Variants in RGS6 observed in about 807,000 individuals in gnomAD.
RGS6 encodes the protein regulator of G-protein signaling 6.
Under a neutral mutation model 78.5 loss-of-function variants are expected in RGS6, and 30 were observed. The observed-to-expected ratio is 0.38, with a 90% CI of 0.29 to 0.52. RGS6 has a LOEUF of 0.52. Among genes scored for constraint, RGS6 ranks in the 20% least tolerant of loss-of-function variants. The probability of loss-of-function intolerance (pLI) is 0.85; values close to 1 mark genes in which losing one functional copy is unlikely to be tolerated. For missense variants in RGS6, 495 were observed against 609.7 expected (o/e 0.81, Z 1.98); for synonymous variants, 206 against 206.0 (o/e 1.00, Z 0.00).
At chr14:72,359,865 G>A (rs890353031) in intron 3 of RGS6, among the ~76,000 whole-genome samples, 7 of 152,034 alleles carry the variant, frequency 4.6e-5, no homozygotes, top group African/African-American at 1.4e-4. Flanking sequence ...GCTGACCTTG[G>A]TAAGTGCACA....
chr14:72,083,229 A>G (rs2094896301), intron 2 of RGS6, among the ~76,000 whole-genome samples: 1 of 152,206 alleles, frequency 6.6e-6, no homozygotes, highest in Non-Finnish European at 1.5e-5. Context: ...TGAATCTGAC[A>G]CAGATTGATC....
chr14:72,137,737 T>C (rs1462574515), intron 2 of RGS6, among the ~76,000 whole-genome samples: 1 of 152,210 alleles, frequency 6.6e-6, no homozygotes, highest in Non-Finnish European at 1.5e-5. Flanking sequence ...CCCCATGGAA[T>C]TGGGGAACAC....
chr14:72,320,189 A>T (rs571930265), intron 2 of RGS6, among the ~76,000 whole-genome samples: 6 of 152,342 alleles, frequency 3.9e-5, no homozygotes, highest in African/African-American at 1.2e-4. Context: ...TTAGAGTTTT[A>T]TGCACAGCCA....
chr14:72,489,675 G>A (rs1441004575), intron 12 of RGS6, among the ~76,000 whole-genome samples: 3 of 152,100 alleles, frequency 2.0e-5, no homozygotes, highest in Non-Finnish European at 4.4e-5. Flanking sequence ...ACAAGCCAAG[G>A]CATGCCTGGA....
At chr14:72,272,241 G>T (rs2060054814) in intron 2 of RGS6, among the ~76,000 whole-genome samples, 1 of 152,132 alleles carries the variant, frequency 6.6e-6, no homozygotes, top group South Asian at 2.1e-4. Context: ...GGGTTAGCTG[G>T]CCTTTGCCAA....
At chr14:72,010,929 G>A (rs1010585474) in intron 2 of RGS6, among the ~76,000 whole-genome samples, 16 of 152,262 alleles carry the variant, frequency 1.1e-4, no homozygotes, top group African/African-American at 3.9e-4. Flanking sequence ...GCTTTCTCTA[G>A]CCCTTTTCTG....
intron 2 of RGS6, among the ~76,000 whole-genome samples, chr14:72,331,076 G>A (rs2074913775): frequency 6.6e-6 from 1 of 152,128 alleles, no homozygotes. Flanking sequence ...TGTGACTAAG[G>A]CAGCAGATTC....
At chr14:71,926,499 G>A in the RGS6 span, among the ~76,000 whole-genome samples, 488 of 150,594 alleles carry the variant, frequency 3.2e-3, 7 homozygotes, top group African/African-American at 0.011. Context: ...CAGGAGAATC[G>A]CTTGAACCCA....
At chr14:72,320,608 A>G (rs2071658433) in intron 2 of RGS6, among the ~76,000 whole-genome samples, 1 of 151,586 alleles carries the variant, frequency 6.6e-6, no homozygotes, top group African/African-American at 2.4e-5. Flanking sequence ...AAAATAAAAA[A>G]TAAAAAACTA....
At chr14:71,912,950 C>T in the RGS6 span, among the ~76,000 whole-genome samples, 5,844 of 152,088 alleles carry the variant, frequency 0.038, 365 homozygotes, top group African/African-American at 0.13. Flanking sequence ...CTCAGCCTCC[C>T]GGGTAGCTGG....
chr14:72,323,860 A>G (rs1435386898), intron 2 of RGS6, among the ~76,000 whole-genome samples: 2 of 147,708 alleles, frequency 1.4e-5, no homozygotes, highest in African/African-American at 2.5e-5. Context: ...AAACTACAGA[A>G]GTTAAAATAT....
In RGS6 at chr14:72,113,584, A is replaced by G. The variant is rs1442961502; in HGVS notation, c.84+148709A>G. Among the ~76,000 whole-genome samples the G allele has an allele frequency of 2.6e-5, 4 of 152,330 alleles. No individual in the cohort carries two copies. In the East Asian group the frequency reaches 7.7e-4, roughly 29 times the overall value. Reference sequence around the variant, plus strand: ...TTCTAACAGTTTGCTACTGCTATGTAACAAACCACTACCAAAAGTTAGTTA... The same window carrying G: ...TTCTAACAGTTTGCTACTGCTATGTGACAAACCACTACCAAAAGTTAGTTA... On this transcript the variant is annotated intron_variant, in intron 2 of 17. Coordinates refer to ENST00000553525, the MANE Select transcript of RGS6 (RefSeq NM_001204424.2).
intron 2 of RGS6, among the ~76,000 whole-genome samples, chr14:72,049,703 A>C (rs17106318): frequency 0.013 from 2,045 of 152,284 alleles, 51 homozygotes; most frequent in African/African-American, 0.046. Context: ...TGTCTCTGAC[A>C]TCCTCTTGCA....
intron 2 of RGS6, among the ~76,000 whole-genome samples, chr14:72,297,696 T>C (rs2065151976): frequency 6.6e-6 from 1 of 150,550 alleles, no homozygotes; most frequent in African/African-American, 2.4e-5. Flanking sequence ...GTTCTTGCGA[T>C]AGTTTACTGA....
At chr14:71,917,926 C>T in the RGS6 span, among the ~76,000 whole-genome samples, 6 of 152,024 alleles carry the variant, frequency 3.9e-5, no homozygotes, top group Admixed American at 1.3e-4. Flanking sequence ...GTAATCCCAC[C>T]GCTTTGGGAG....
Position 71,964,823 on chromosome 14 carries a change from T to TG in RGS6, c.37dup (p.Val13GlyfsTer3). On this transcript the variant is annotated frameshift_variant, in exon 2 of 18. Coordinates refer to ENST00000553525, the MANE Select transcript of RGS6 (RefSeq NM_001204424.2). LOFTEE classifies it high-confidence loss of function. ...CAAGGATCCGGGGATCAAAGAGCAG[T>TG]GGGGGTTGCTGACCCAGAGGAGAGT... 1.2e-6 allele frequency: 2 copies of TG among 1,613,676 alleles called. No homozygotes were observed. Among genetic ancestry groups the TG allele is most frequent in the Non-Finnish European group, 1.7e-6 (2 of 1,179,904 alleles).
At chr14:72,580,470 G>A in the RGS6 span, among the ~76,000 whole-genome samples, 1 of 152,144 alleles carries the variant, frequency 6.6e-6, no homozygotes, top group Non-Finnish European at 1.5e-5. Flanking sequence ...TTAGAAATTA[G>A]CCCACAGCCA....
intron 2 of RGS6, among the ~76,000 whole-genome samples, chr14:72,037,908 T>A (rs1002505961): frequency 6.6e-6 from 1 of 152,164 alleles, no homozygotes; most frequent in Non-Finnish European, 1.5e-5. Flanking sequence ...TCTGGAAGTC[T>A]ATTCTATGCT....
At chr14:71,900,320 C>CT in the RGS6 span, among the ~76,000 whole-genome samples, 1 of 152,090 alleles carries the variant, frequency 6.6e-6, no homozygotes, top group East Asian at 1.9e-4. Flanking sequence ...ATAATTACCG[C>CT]TTTTTTATCA....
Sources: gnomAD v4.1 joint callset for allele counts (sites outside exome capture counted in the v4.1 genomes callset) on GRCh38, gnomAD v4.1.1 for gene constraint, MANE v1.5 for transcripts, NCBI Gene and HGNC (gene_info 2026-07-23, HGNC 2026-07-21) for gene names.